The following ADK variants were observed in gnomAD, a reference collection of about 807,000 sequenced individuals.
The protein encoded by ADK is N6,N6-dimethyladenosine kinase.
ADK carries 24 observed loss-of-function variants against 44.7 expected under a neutral mutation model. The ratio of observed to expected loss-of-function variants is 0.54; its 90% CI spans 0.39 to 0.76. The LOEUF is 0.76. ADK is among the 30% of genes least tolerant of loss of function. The pLI is 0.00. For missense variants in ADK, 321 were observed against 425.1 expected (o/e 0.76, Z 2.15); for synonymous variants, 128 against 142.6 (o/e 0.90, Z 0.73).
At chr10:74,550,978 C>T (rs994989631) in intron 7 of ADK, among the ~76,000 whole-genome samples, 3 of 152,118 alleles carry the variant, frequency 2.0e-5, no homozygotes, top group Non-Finnish European at 4.4e-5. Flanking sequence ...GTTGGATCTA[C>T]AGGGATGGCA....
intron 6 of ADK, among the ~76,000 whole-genome samples, chr10:74,452,384 AATTG>A (rs1276877867): frequency 6.6e-6 from 1 of 152,000 alleles, no homozygotes; most frequent in Non-Finnish European, 1.5e-5. Context: ...GTCTGTCTCT[AATTG>A]ATTGACACAT....
At chr10:74,638,172 G>A (rs1853682921) in intron 9 of ADK, among the ~76,000 whole-genome samples, 1 of 152,172 alleles carries the variant, frequency 6.6e-6, no homozygotes, top group Non-Finnish European at 1.5e-5. Flanking sequence ...ACTTTATTAA[G>A]ATATAGATTT....
At chr10:74,345,317 T>A (rs984290980) in intron 4 of ADK, among the ~76,000 whole-genome samples, 44 of 152,094 alleles carry the variant, frequency 2.9e-4, no homozygotes, top group African/African-American at 1.0e-3. Context: ...TTTTTTTTTT[T>A]TCCCAGACAG....
At chr10:74,287,528 T>C (rs1344246143) in intron 3 of ADK, among the ~76,000 whole-genome samples, 5 of 151,888 alleles carry the variant, frequency 3.3e-5, no homozygotes, top group Admixed American at 2.0e-4. Flanking sequence ...TCTACGTTAA[T>C]GGACTGGCCA....
chr10:74,323,711 C>T (rs1840898331), intron 4 of ADK, among the ~76,000 whole-genome samples: 1 of 150,348 alleles, frequency 6.7e-6, no homozygotes. Context: ...GCTGGGACTA[C>T]AGGCACCCGC....
rs575907740 is a variant in ADK at position 74,278,079 on chromosome 10, C to T, written c.195-36588C>T. ...TGTCAAAATCTACTGGGAGGGGTGG[C>T]GACGTAGCTCACCCCTGTAATCCCA... On this transcript the variant is annotated intron_variant, in intron 3 of 10. Coordinates refer to ENST00000539909, the MANE Select transcript of ADK (RefSeq NM_006721.4). Among the ~76,000 whole-genome samples the T allele has an allele frequency of 7.2e-5, 11 of 151,914 alleles. No individual in the cohort carries two copies. The South Asian group carries it at 1.9e-3, about 26-fold the overall frequency.
At chr10:74,451,430 T>C (rs1845776736) in intron 6 of ADK, among the ~76,000 whole-genome samples, 1 of 152,172 alleles carries the variant, frequency 6.6e-6, no homozygotes, top group Admixed American at 6.5e-5. Context: ...GCTGAGTTCT[T>C]TCCTAGGGAG....
At chr10:74,676,055 A>C (rs1589360702) in intron 10 of ADK, among the ~76,000 whole-genome samples, 1 of 151,704 alleles carries the variant, frequency 6.6e-6, no homozygotes, top group South Asian at 2.1e-4. Context: ...AAAAAAAAAA[A>C]AAAACACCTT....
chr10:74,689,762 A>C (rs1183627759), intron 10 of ADK, among the ~76,000 whole-genome samples: 1 of 152,212 alleles, frequency 6.6e-6, no homozygotes, highest in Non-Finnish European at 1.5e-5. Context: ...CATTTTCCAC[A>C]GCTTCTTTAC....
intron 2 of ADK, among the ~76,000 whole-genome samples, chr10:74,216,802 T>C (rs1425205911): frequency 6.6e-6 from 1 of 152,130 alleles, no homozygotes. Flanking sequence ...AAGGTTTTTA[T>C]ACTCAGGCAA....
chr10:74,498,081 G>A (rs1847755397), intron 6 of ADK, among the ~76,000 whole-genome samples: 1 of 151,988 alleles, frequency 6.6e-6, no homozygotes, highest in African/African-American at 2.4e-5. Flanking sequence ...AGTAGGGATG[G>A]GATTTCACCG....
chr10:74,478,958 T>C (rs568879194), intron 6 of ADK, among the ~76,000 whole-genome samples: 2 of 152,336 alleles, frequency 1.3e-5, no homozygotes, highest in South Asian at 4.1e-4. Context: ...AACTATATTT[T>C]TCTGTGCTAT....
At chr10:74,595,823 C>A (rs1851902511) in intron 8 of ADK, among the ~76,000 whole-genome samples, 1 of 149,336 alleles carries the variant, frequency 6.7e-6, no homozygotes, top group Non-Finnish European at 1.5e-5. Context: ...ATGGTGAAAC[C>A]CCGTCTCTAC....
intron 9 of ADK, among the ~76,000 whole-genome samples, chr10:74,667,046 G>A (rs2134186623): frequency 6.6e-6 from 1 of 152,058 alleles, no homozygotes; most frequent in East Asian, 1.9e-4. Context: ...GGCGAGTCTG[G>A]TCTCAAACTC....
chr10:74,422,377 A>T (rs1192742039), intron 6 of ADK, among the ~76,000 whole-genome samples: 2 of 152,246 alleles, frequency 1.3e-5, no homozygotes, highest in Non-Finnish European at 2.9e-5. Context: ...CAGAGTCATG[A>T]CAACTAAATG....
At chr10:74,382,581 C>A (rs1335348929) in intron 4 of ADK, among the ~76,000 whole-genome samples, 1 of 151,942 alleles carries the variant, frequency 6.6e-6, no homozygotes, top group Non-Finnish European at 1.5e-5. Context: ...GTTTTGGAGA[C>A]CTTTGGAGAT....
intron 9 of ADK, chr10:74,655,925 GC>G: frequency 1.5e-6 from 1 of 687,882 alleles, no homozygotes. Context: ...TTGGCAAGCT[GC>G]CCATCTGCAA....
At chr10:74,603,978 A>G (rs1852230708) in intron 9 of ADK, among the ~76,000 whole-genome samples, 1 of 152,078 alleles carries the variant, frequency 6.6e-6, no homozygotes, top group South Asian at 2.1e-4. Flanking sequence ...TGTGGTTTTG[A>G]TTTGCATTTC....
chr10:74,541,401 G>A (rs551850154), intron 7 of ADK, among the ~76,000 whole-genome samples: 1 of 152,182 alleles, frequency 6.6e-6, no homozygotes, highest in South Asian at 2.1e-4. Flanking sequence ...CTTTTTGACT[G>A]ATCCAGATCC....
Sources: gnomAD v4.1 joint callset for allele counts (sites outside exome capture counted in the v4.1 genomes callset) on GRCh38, gnomAD v4.1.1 for gene constraint, MANE v1.5 for transcripts, NCBI Gene and HGNC (gene_info 2026-07-23, HGNC 2026-07-21) for gene names.